The following C1orf146 variants were observed in gnomAD, a reference collection of about 807,000 sequenced individuals.
C1orf146 encodes the protein chromosome 1 open reading frame 146.
C1orf146 carries 22 observed loss-of-function variants against 23.0 expected under a neutral mutation model. That is an observed-to-expected ratio of 0.96 (90% CI 0.68 to 1.36). C1orf146 has a LOEUF of 1.36. Ranked by LOEUF, C1orf146 falls within the 40% of genes most tolerant of loss-of-function variation. The pLI is 0.00. For synonymous variants in C1orf146, 59 were observed against 65.3 expected (o/e 0.90, Z 0.47); for missense variants, 199 against 206.8 (o/e 0.96, Z 0.23).
chr1:92,227,785 A>T (rs1346442767), intron 1 of C1orf146, among the ~76,000 whole-genome samples: 1 of 151,426 alleles, frequency 6.6e-6, no homozygotes, highest in Non-Finnish European at 1.5e-5. Context: ...TTTTCAGTTT[A>T]TTGTTTCCCT....
intron 1 of C1orf146, among the ~76,000 whole-genome samples, chr1:92,224,239 A>T (rs942087897): frequency 6.6e-6 from 1 of 150,918 alleles, no homozygotes; most frequent in Non-Finnish European, 1.5e-5. Context: ...TTTAGTGGAG[A>T]CAGGTTGTCA....
At chr1:92,244,038 C>T (rs1287820606) in intron 3 of C1orf146, among the ~76,000 whole-genome samples, 179 bp from the exon 4 acceptor site, 3 of 151,304 alleles carry the variant, frequency 2.0e-5, no homozygotes, top group Non-Finnish European at 2.9e-5. Flanking sequence ...CAGAGCACTT[C>T]AAAGAACTAC....
intron 3 of C1orf146, 142 bp from the exon 4 acceptor site, chr1:92,244,075 C>CACACAA (rs1231250205): frequency 3.0e-5 from 17 of 570,434 alleles, no homozygotes; most frequent in Non-Finnish European, 5.3e-5. Context: ...TGTAGGAATT[C>CACACAA]CATTATAGTA....
intron 2 of C1orf146, among the ~76,000 whole-genome samples, chr1:92,237,999 G>C (rs1349217817): frequency 6.6e-6 from 1 of 152,122 alleles, no homozygotes; most frequent in African/African-American, 2.4e-5. Flanking sequence ...GCACAGTCTT[G>C]GCTCACTGCA....
At chr1:92,241,047 G>C in intron 2 of C1orf146, 1 of 357,146 alleles carries the variant, frequency 2.8e-6, no homozygotes, top group Admixed American at 3.6e-5. Flanking sequence ...GTAAACTGAT[G>C]AATTGTCAAA....
chr1:92,225,667 G>T (rs1455273904), intron 1 of C1orf146, among the ~76,000 whole-genome samples: 1 of 151,722 alleles, frequency 6.6e-6, no homozygotes, highest in Admixed American at 6.6e-5. Flanking sequence ...CATGTATTTT[G>T]GAGGTCTGTT....
intron 2 of C1orf146, among the ~76,000 whole-genome samples, chr1:92,241,161 G>C (rs188495828): frequency 1.3e-5 from 2 of 149,578 alleles, no homozygotes; most frequent in East Asian, 3.9e-4. Flanking sequence ...ATACATTAAT[G>C]CATGTCAGAA....
At chr1:92,224,353 G>A (rs1162757861) in intron 1 of C1orf146, among the ~76,000 whole-genome samples, 2 of 152,014 alleles carry the variant, frequency 1.3e-5, no homozygotes, top group Admixed American at 6.6e-5. Flanking sequence ...CGGCCAGAGA[G>A]AAGTTTTTAA....
intron 1 of C1orf146, among the ~76,000 whole-genome samples, chr1:92,228,610 A>G (rs1652027539): frequency 6.6e-6 from 1 of 152,172 alleles, no homozygotes; most frequent in African/African-American, 2.4e-5. Flanking sequence ...GCCAGCCTCT[A>G]GAGAAATCCC....
chr1:92,225,833 T>C (rs1359398119), intron 1 of C1orf146, among the ~76,000 whole-genome samples: 1 of 152,180 alleles, frequency 6.6e-6, no homozygotes, highest in Non-Finnish European at 1.5e-5. Context: ...GTATAGCCAC[T>C]CCAGCTCTCT....
intron 1 of C1orf146, among the ~76,000 whole-genome samples, chr1:92,222,947 G>A (rs998917189): frequency 6.6e-6 from 1 of 152,050 alleles, no homozygotes; most frequent in Non-Finnish European, 1.5e-5. Flanking sequence ...TTGGGGGCGG[G>A]GGTTGGCATC....
chr1:92,222,743 C>T (rs187350836), intron 1 of C1orf146, among the ~76,000 whole-genome samples: 6 of 151,712 alleles, frequency 4.0e-5, no homozygotes, highest in South Asian at 2.1e-4. Context: ...CCTGCCACCA[C>T]GCCCGGCTAA....
chr1:92,224,763 T>C (rs1437739637), intron 1 of C1orf146, among the ~76,000 whole-genome samples: 1 of 152,220 alleles, frequency 6.6e-6, no homozygotes, highest in Non-Finnish European at 1.5e-5. Flanking sequence ...TGTTCTTCTT[T>C]TTTTTCGTTT....
intron 1 of C1orf146, among the ~76,000 whole-genome samples, chr1:92,219,521 T>TTAA (rs1553129352): frequency 7.0e-6 from 1 of 141,914 alleles, no homozygotes; most frequent in African/African-American, 2.9e-5. Flanking sequence ...TTTTTTTTTT[T>TTAA]AAGACAGAGT....
intron 4 of C1orf146, 88 bp from the exon 5 acceptor site, chr1:92,244,691 C>G: frequency 2.3e-6 from 2 of 854,868 alleles, no homozygotes; most frequent in Non-Finnish European, 3.8e-6. Context: ...AAATAACAAA[C>G]AATAGAGATT....
At chr1:92,241,799 G>A (rs1185671140) in intron 2 of C1orf146, among the ~76,000 whole-genome samples, 1 of 152,176 alleles carries the variant, frequency 6.6e-6, no homozygotes, top group Non-Finnish European at 1.5e-5. Context: ...GCAGCTGGGT[G>A]TGGTGACGTA....
At chr1:92,222,723 A>G (rs888240882) in intron 1 of C1orf146, among the ~76,000 whole-genome samples, 32 of 151,144 alleles carry the variant, frequency 2.1e-4, no homozygotes, top group African/African-American at 7.5e-4. Context: ...AGTAGCTGGG[A>G]CTACAGGCGC....
chr1:92,243,623 G>C (rs1223664354), intron 3 of C1orf146, among the ~76,000 whole-genome samples: 1 of 152,172 alleles, frequency 6.6e-6, no homozygotes, highest in South Asian at 2.1e-4. Context: ...GGGATTACAG[G>C]TGTGAGCCAC....
intron 2 of C1orf146, among the ~76,000 whole-genome samples, chr1:92,237,908 A>T (rs1004837176): frequency 6.6e-6 from 1 of 151,932 alleles, no homozygotes; most frequent in Non-Finnish European, 1.5e-5. Context: ...TTTCTTCCTT[A>T]TGAGTGATAG....
Sources: allele counts gnomAD v4.1 joint callset (sites outside exome capture counted in the v4.1 genomes callset), GRCh38; gene constraint gnomAD v4.1.1; transcripts MANE v1.5; gene names NCBI Gene and HGNC (gene_info 2026-07-23, HGNC 2026-07-21).